POTEH: variants seen among roughly 807,000 people sequenced by gnomAD.
The protein encoded by POTEH is POTE ankyrin domain family member H, also known as ANKRD26-like family C member 3.
A neutral mutation model predicts 41.7 loss-of-function variants in POTEH; 6 were observed. The ratio of observed to expected loss-of-function variants is 0.14; its 90% CI spans 0.08 to 0.28. POTEH has a LOEUF of 0.28. POTEH is among the 10% of genes least tolerant of loss of function. POTEH has a pLI of 1.00. For synonymous variants in POTEH, 38 were observed against 179.9 expected (o/e 0.21, Z 6.31); for missense variants, 115 against 533.5 (o/e 0.22, Z 7.73).
intron 1 of POTEH, among the ~76,000 whole-genome samples, chr22:15,690,958 T>G (rs996901390): frequency 1.5e-5 from 2 of 130,332 alleles, no homozygotes; most frequent in Non-Finnish European, 3.5e-5. Context: ...TTGAAGTGAT[T>G]TAACTCGCAA....
intron 4 of POTEH, chr22:15,699,864 C>G: frequency 9.3e-7 from 1 of 1,069,656 alleles, no homozygotes; most frequent in Non-Finnish European, 1.3e-6. Context: ...ATGCAATACC[C>G]CACTGAGATA....
At chr22:15,713,719 C>G (rs1295878377) in intron 9 of POTEH, among the ~76,000 whole-genome samples, 32 of 152,240 alleles carry the variant, frequency 2.1e-4, no homozygotes, top group African/African-American at 7.5e-4. Context: ...AGGCTGGTCT[C>G]AAACTCCTGA....
chr22:15,693,177 C>T (rs1277959076), intron 1 of POTEH, among the ~76,000 whole-genome samples: 157 of 140,482 alleles, frequency 1.1e-3, no homozygotes, highest in Admixed American at 0.01. Flanking sequence ...CTTGTGTTAG[C>T]TGAAAATATG....
intron 9 of POTEH, among the ~76,000 whole-genome samples, chr22:15,711,350 CATA>C (rs1420377094): frequency 2.0e-5 from 3 of 152,058 alleles, no homozygotes; most frequent in African/African-American, 7.3e-5. Flanking sequence ...TCATCAGCCA[CATA>C]ATAAGCAAAA....
chr22:15,708,366 T>A (rs1483521074), intron 7 of POTEH, among the ~76,000 whole-genome samples: 2 of 88,622 alleles, frequency 2.3e-5, no homozygotes, highest in African/African-American at 1.0e-4. Flanking sequence ...ATACAAAAAC[T>A]TAGCCGGGTG....
intron 6 of POTEH, among the ~76,000 whole-genome samples, chr22:15,703,901 G>C (rs1220457167): frequency 8.1e-6 from 1 of 124,080 alleles, no homozygotes; most frequent in Non-Finnish European, 1.8e-5. Context: ...ATTTTCACTT[G>C]TCCACTTAAC....
chr22:15,717,285 C>T (rs5746333), intron 9 of POTEH, among the ~76,000 whole-genome samples: 33,946 of 89,118 alleles, frequency 0.38, 13,773 homozygotes, highest in East Asian at 0.91. Flanking sequence ...TGTGAGAGTA[C>T]GATTTCTTTT....
chr22:15,699,049 T>C (rs1259837601), intron 4 of POTEH, among the ~76,000 whole-genome samples: 1 of 152,162 alleles, frequency 6.6e-6, no homozygotes, highest in African/African-American at 2.4e-5. Flanking sequence ...GTTTGAACTT[T>C]AATTTTAGTT....
chr22:15,720,415 A>G (rs2818541), intron 10 of POTEH, among the ~76,000 whole-genome samples: 7 of 117,588 alleles, frequency 6.0e-5, no homozygotes, highest in East Asian at 3.2e-4. Context: ...TATCACAATG[A>G]CAAATAATCT....
chr22:15,714,403 C>G (rs1324599588), intron 9 of POTEH, among the ~76,000 whole-genome samples: 1 of 152,112 alleles, frequency 6.6e-6, no homozygotes, highest in East Asian at 1.9e-4. Flanking sequence ...CTCCTAATAA[C>G]TAAAAGGCAG....
intron 9 of POTEH, among the ~76,000 whole-genome samples, chr22:15,712,940 C>G (rs1187061678): frequency 2.0e-5 from 3 of 149,482 alleles, no homozygotes; most frequent in African/African-American, 7.5e-5. Context: ...GCCTTTAAAA[C>G]CTTGGTCTGG....
At chr22:15,703,684 A>G (rs1989608539) in intron 6 of POTEH, among the ~76,000 whole-genome samples, 1 of 149,372 alleles carries the variant, frequency 6.7e-6, no homozygotes, top group South Asian at 2.3e-4. Flanking sequence ...GATTGTAGAC[A>G]CCTAATACAC....
intron 9 of POTEH, among the ~76,000 whole-genome samples, chr22:15,713,679 T>C (rs2123846375): frequency 6.6e-6 from 1 of 152,412 alleles, no homozygotes; most frequent in South Asian, 2.1e-4. Flanking sequence ...TTTGTATTTT[T>C]AGTAGTGACA....
chr22:15,693,230 A>G (rs1989369775), intron 1 of POTEH, among the ~76,000 whole-genome samples: 2 of 147,598 alleles, frequency 1.4e-5, no homozygotes, highest in Admixed American at 6.8e-5. Context: ...TTGTAAATGA[A>G]GTTTTTCCTT....
rs1187062513 is a variant in POTEH, at chr22:15,717,077, G to A, written c.1521-2583G>A. On this transcript the variant is annotated intron_variant, in intron 9 of 10. Transcript: ENST00000343518. ...TATGTGTATGAATTACCCAGTCTCG[G>A]GTATGTACATACGTATATGTGTGAG... is the stretch of plus-strand genomic sequence containing the variant. 2.6e-5 allele frequency among the ~76,000 whole-genome samples: 2 copies of A among 78,208 alleles called. 1 individual carries two copies. The highest frequency in any genetic ancestry group is 5.5e-5 in the Non-Finnish European group (2 of 36,422). The allele number at this position is 78,208 out of a possible 152,430, so 51.3% of individuals were successfully genotyped here. A position where few individuals can be genotyped will look rare whatever the true frequency, so the allele number is the denominator to read the frequency against.
rs974635026 is a variant in POTEH, at chr22:15,692,921, A to G, written c.632+2212A>G. ...GTTATGCTTTTTACTCATCAGTTCCATTATACTGAAATATCTTCACCAAAT... is the reference window on the plus strand; with the variant it reads ...GTTATGCTTTTTACTCATCAGTTCCGTTATACTGAAATATCTTCACCAAAT... On this transcript the variant is annotated intron_variant, in intron 1 of 10. Coordinates refer to ENST00000343518, the MANE Select transcript of POTEH (RefSeq NM_001136213.1). Among the ~76,000 whole-genome samples, 6 of 125,468 alleles carry G rather than the reference A, an allele frequency of 4.8e-5. 2 individuals are homozygous for G. The Admixed American group carries it at 4.9e-4, about 10-fold the overall frequency. 82.3% of individuals were successfully genotyped at this position (125,468 alleles called of 152,430 possible).
chr22:15,713,331 A>G lies in POTEH; in HGVS notation c.1520+2297A>G, dbSNP rs1478143397. ...AGCAATATTTGAGCCAATGGAGGGC[A>G]TCTTCTCCCTAACGGCGTCTTCACT... On this transcript the variant is annotated intron_variant, in intron 9 of 10. Transcript: ENST00000343518. Among the ~76,000 whole-genome samples, 5 of 152,370 alleles carry G rather than the reference A, an allele frequency of 3.3e-5. No homozygotes were observed. The South Asian group carries it at 8.3e-4, about 25-fold the overall frequency.
intron 7 of POTEH, among the ~76,000 whole-genome samples, chr22:15,708,540 A>C (rs2212126): frequency 1.3e-5 from 1 of 76,718 alleles, no homozygotes; most frequent in Non-Finnish European, 2.5e-5. Flanking sequence ...AAAAAAAAAA[A>C]AATATTTTAA....
chr22:15,713,196 G>C (rs1440519660), intron 9 of POTEH, among the ~76,000 whole-genome samples: 1 of 152,268 alleles, frequency 6.6e-6, no homozygotes, highest in African/African-American at 2.4e-5. Context: ...ATGCCAGTAA[G>C]TCTTCAATTT....
Sources: allele counts gnomAD v4.1 joint callset (sites outside exome capture counted in the v4.1 genomes callset), GRCh38; gene constraint gnomAD v4.1.1; transcripts MANE v1.5; gene names NCBI Gene and HGNC (gene_info 2026-07-23, HGNC 2026-07-21).